Variants in RNF144A observed in about 807,000 individuals in gnomAD.
The protein encoded by RNF144A is ring finger protein 144A, also known as E3 ubiquitin-protein ligase RNF144A.
Under a neutral mutation model 38.7 loss-of-function variants are expected in RNF144A, and 11 were observed. The observed-to-expected ratio is 0.28, with a 90% CI of 0.18 to 0.47. RNF144A has a LOEUF of 0.47. RNF144A is among the 20% of genes least tolerant of loss of function. RNF144A has a pLI of 0.99. For missense variants in RNF144A, 316 were observed against 377.2 expected, an observed-to-expected ratio of 0.84 and a Z score of 1.34; for synonymous variants, 149 against 143.9, an observed-to-expected ratio of 1.04 and a Z score of -0.25.
At chr2:7,061,223 T>C (rs1558470417) in intron 6 of RNF144A, among the ~76,000 whole-genome samples, 1 of 152,234 alleles carries the variant, frequency 6.6e-6, no homozygotes, top group Non-Finnish European at 1.5e-5. Context: ...CATGGCACTC[T>C]GACAACTCAC....
intron 2 of RNF144A, among the ~76,000 whole-genome samples, chr2:6,970,264 A>G (rs569470369): frequency 2.6e-5 from 4 of 152,306 alleles, no homozygotes; most frequent in South Asian, 4.1e-4. Context: ...GGTCTTTCCC[A>G]TGCTGTTATC....
rs542064587 is a variant in RNF144A, at chr2:7,052,565, G to A, written c.735-15651G>A. 8.0e-4 allele frequency among the ~76,000 whole-genome samples: 122 copies of A among 152,248 alleles called. 1 individual carries two copies. Among genetic ancestry groups the A allele is most frequent in the Non-Finnish European group, 1.3e-3 (90 of 68,016 alleles). Reference sequence around the variant, plus strand: ...GCAGCGAGGGGTCATTATTTTAAGAGAGAAGCTCAATGTGGTTTAGAAAAT... The same window carrying A: ...GCAGCGAGGGGTCATTATTTTAAGAAAGAAGCTCAATGTGGTTTAGAAAAT... On this transcript the variant is annotated intron_variant, in intron 6 of 6. Coordinates refer to the RNF144A transcript ENST00000432850.
At chr2:6,935,233 A>G (rs1665493861) in intron 1 of RNF144A, among the ~76,000 whole-genome samples, 1 of 152,208 alleles carries the variant, frequency 6.6e-6, no homozygotes, top group Non-Finnish European at 1.5e-5. Context: ...ACATCTGCAT[A>G]GCGGGCCATT....
intron 1 of RNF144A, among the ~76,000 whole-genome samples, chr2:6,920,760 C>T (rs1232588404): frequency 6.6e-6 from 1 of 152,214 alleles, no homozygotes. Flanking sequence ...TCCGTTGTTT[C>T]TGCATTACTG....
At chr2:6,949,092 C>T (rs1483388214) in intron 2 of RNF144A, among the ~76,000 whole-genome samples, 1 of 152,174 alleles carries the variant, frequency 6.6e-6, no homozygotes, top group Non-Finnish European at 1.5e-5. Flanking sequence ...TTGCCCAATT[C>T]TAGTTGAAAA....
the RNF144A span, among the ~76,000 whole-genome samples, chr2:7,075,289 C>CA: frequency 4.0e-5 from 6 of 151,820 alleles, no homozygotes; most frequent in East Asian, 5.9e-4. Context: ...CATCCCCCCC[C>CA]CCACACAGTG....
chr2:7,040,379 A>G lies in RNF144A; in HGVS notation c.*619A>G. ...TCAGGAGATTTAGAAAGCCTTATGC[A>G]CTCTTTGTGTTTTTCTTGAAACTTG... On this transcript the variant is annotated 3_prime_UTR_variant, in exon 9 of 9. Coordinates refer to ENST00000320892, the MANE Select transcript of RNF144A (RefSeq NM_014746.6). 1 of 985,292 alleles carries G rather than the reference A, an allele frequency of 1.0e-6. No homozygotes were observed. Among genetic ancestry groups the G allele is most frequent in the Non-Finnish European group, 1.2e-6 (1 of 829,904 alleles). The allele number at this position is 985,292 out of a possible 1,614,324, so 61.0% of individuals were successfully genotyped here.
chr2:6,991,893 A>G (rs998781861), intron 2 of RNF144A, among the ~76,000 whole-genome samples: 1 of 152,210 alleles, frequency 6.6e-6, no homozygotes, highest in East Asian at 1.9e-4. Flanking sequence ...CCAGAAGGCT[A>G]GAACATAGTT....
chr2:6,938,229 T>TCCCCCCC (rs1315226507), intron 1 of RNF144A, among the ~76,000 whole-genome samples: 1 of 58,792 alleles, frequency 1.7e-5, no homozygotes, highest in Non-Finnish European at 3.7e-5. Flanking sequence ...TCCCCTCCCC[T>TCCCCCCC]CCCCCTCTCC....
chr2:7,066,383 G>C (rs775432626), intron 6 of RNF144A, among the ~76,000 whole-genome samples: 1 of 152,036 alleles, frequency 6.6e-6, no homozygotes, highest in African/African-American at 2.4e-5. Context: ...CACCATGCCC[G>C]GTCAAGTTTT....
intron 2 of RNF144A, among the ~76,000 whole-genome samples, chr2:6,973,534 T>C (rs955256418): frequency 1.3e-5 from 2 of 152,220 alleles, no homozygotes; most frequent in African/African-American, 4.8e-5. Context: ...AAGGCCAGCC[T>C]GGCAGCACGG....
intron 2 of RNF144A, among the ~76,000 whole-genome samples, chr2:6,983,743 G>C (rs1270961395): frequency 2.6e-5 from 4 of 152,074 alleles, no homozygotes; most frequent in Admixed American, 6.6e-5. Flanking sequence ...GAGGCTCAGG[G>C]GGACTCGGTG....
chr2:6,939,886 A>G (rs954043712), intron 1 of RNF144A, among the ~76,000 whole-genome samples: 1 of 152,100 alleles, frequency 6.6e-6, no homozygotes, highest in Non-Finnish European at 1.5e-5. Context: ...TTACTTTTGG[A>G]CTGTCACTTC....
chr2:6,951,024 A>C (rs200192020), intron 2 of RNF144A, among the ~76,000 whole-genome samples: 1 of 152,186 alleles, frequency 6.6e-6, no homozygotes, highest in African/African-American at 2.4e-5. Context: ...CATGCTGACT[A>C]TATCAGCCTT....
intron 1 of RNF144A, among the ~76,000 whole-genome samples, chr2:6,932,738 G>A (rs1188179989): frequency 1.3e-5 from 2 of 152,198 alleles, no homozygotes; most frequent in African/African-American, 4.8e-5. Context: ...AATGACGGCA[G>A]AATTAGCCAA....
intron 8 of RNF144A, among the ~76,000 whole-genome samples, chr2:7,032,294 A>T (rs931136963): frequency 3.0e-4 from 44 of 145,996 alleles, no homozygotes; most frequent in African/African-American, 1.1e-3. Context: ...CTCTGCTGGA[A>T]TCCGCGCCCC....
rs370799217 is a variant in RNF144A at position 7,059,394 on chromosome 2, G to A, written c.735-8822G>A. ...GATGTATCAGAATAATACTGTAAAG[G>A]ATTAACCAAAGGCTTCAGCTTTCAG... On this transcript the variant is annotated intron_variant, in intron 6 of 6. Coordinates refer to the RNF144A transcript ENST00000432850. Among the ~76,000 whole-genome samples, 26 of 152,204 alleles carry A rather than the reference G, an allele frequency of 1.7e-4. No individual in the cohort carries two copies. In the East Asian group the frequency reaches 1.9e-3, roughly 11 times the overall value.
chr2:6,952,332 A>G (rs1666737951), intron 2 of RNF144A, among the ~76,000 whole-genome samples: 1 of 150,716 alleles, frequency 6.6e-6, no homozygotes, highest in Admixed American at 6.6e-5. Flanking sequence ...TTTACTCATG[A>G]GAGAGTTTGG....
chr2:6,996,837 C>T (rs1669775921), intron 2 of RNF144A, 79 bp from the exon 3 acceptor site: 3 of 1,445,058 alleles, frequency 2.1e-6, no homozygotes, highest in Non-Finnish European at 1.9e-6. Flanking sequence ...GTCCCAGCTA[C>T]AGCCAGGAGA....
Sources: allele counts gnomAD v4.1 joint callset (sites outside exome capture counted in the v4.1 genomes callset), GRCh38; gene constraint gnomAD v4.1.1; transcripts MANE v1.5; gene names NCBI Gene and HGNC (gene_info 2026-07-23, HGNC 2026-07-21).